The following GRM5 variants were observed in gnomAD, a reference collection of about 807,000 sequenced individuals.
The protein encoded by GRM5 is metabotropic glutamate receptor 5.
In GRM5, 19 loss-of-function variants were observed where a neutral mutation model predicts 83.1. The ratio of observed to expected loss-of-function variants is 0.23; its 90% CI spans 0.16 to 0.34. The LOEUF (loss-of-function observed/expected upper bound fraction) is 0.34, where lower values mean the gene tolerates loss of function less well. GRM5 is among the 10% of genes least tolerant of loss of function. The pLI is 1.00. For missense variants in GRM5, 1,160 were observed against 1,588.3 expected (o/e 0.73, Z 4.58); for synonymous variants, 675 against 633.6 (o/e 1.07, Z -0.98).
chr11:88,651,109 A>G (rs1939620143), intron 4 of GRM5, among the ~76,000 whole-genome samples: 1 of 152,014 alleles, frequency 6.6e-6, no homozygotes, highest in Non-Finnish European at 1.5e-5. Flanking sequence ...AGAGATAGAG[A>G]GCTACAGCAG....
intron 2 of GRM5, among the ~76,000 whole-genome samples, chr11:89,019,706 AAAC>A (rs1322941369): frequency 7.2e-5 from 11 of 152,068 alleles, no homozygotes; most frequent in East Asian, 3.9e-4. Context: ...AAACTCTGTC[AAAC>A]AACAACAACA....
At chr11:88,952,534 G>A (rs1488982240) in intron 2 of GRM5, among the ~76,000 whole-genome samples, 6 of 152,076 alleles carry the variant, frequency 3.9e-5, no homozygotes, top group Admixed American at 2.6e-4. Flanking sequence ...ACCCCAAAAC[G>A]TAAAGAAAAA....
chr11:89,002,813 TC>T (rs1159671425), intron 2 of GRM5, among the ~76,000 whole-genome samples: 2 of 151,860 alleles, frequency 1.3e-5, no homozygotes, highest in Admixed American at 6.6e-5. Context: ...TCAGAATGCT[TC>T]CCCCCCAGAG....
chr11:88,772,612 C>T (rs1371621427), intron 3 of GRM5, among the ~76,000 whole-genome samples: 1 of 151,970 alleles, frequency 6.6e-6, no homozygotes, highest in Non-Finnish European at 1.5e-5. Flanking sequence ...CCCCCATACC[C>T]CTACAGGCCT....
chr11:89,007,211 A>G (rs7120151), intron 2 of GRM5, among the ~76,000 whole-genome samples: 120,538 of 152,154 alleles, frequency 0.79, 48,564 homozygotes, highest in African/African-American at 0.95. Context: ...TTAGCACACA[A>G]CAAAGACAAA....
chr11:89,023,415 G>C (rs1941038727), intron 2 of GRM5, among the ~76,000 whole-genome samples: 1 of 151,996 alleles, frequency 6.6e-6, no homozygotes, highest in African/African-American at 2.4e-5. Flanking sequence ...AAAACTGCTG[G>C]GGTCCTTAGA....
intron 4 of GRM5, among the ~76,000 whole-genome samples, chr11:88,624,479 A>G (rs1938732801): frequency 6.6e-6 from 1 of 152,176 alleles, no homozygotes; most frequent in Admixed American, 6.5e-5. Context: ...AATGATAAAT[A>G]TGGGAGGAAG....
chr11:88,665,162 T>TACACAAACACACAC (rs1554990143), intron 3 of GRM5, among the ~76,000 whole-genome samples: 2 of 140,910 alleles, frequency 1.4e-5, no homozygotes, highest in Non-Finnish European at 3.1e-5. Flanking sequence ...TTAATTTATT[T>TACACAAACACACAC]ACACACACAC....
intron 2 of GRM5, among the ~76,000 whole-genome samples, chr11:89,010,320 TATAAACA>T (rs1285913219): frequency 6.6e-6 from 1 of 152,184 alleles, no homozygotes; most frequent in Non-Finnish European, 1.5e-5. Context: ...GACACTACCC[TATAAACA>T]TGGCCCACAG....
chr11:89,006,406 T>C (rs943639825), intron 2 of GRM5, among the ~76,000 whole-genome samples: 8 of 152,226 alleles, frequency 5.3e-5, no homozygotes, highest in Admixed American at 2.6e-4. Flanking sequence ...ACTCTAGTCA[T>C]TAACTCTAAC....
intron 2 of GRM5, among the ~76,000 whole-genome samples, chr11:88,957,403 T>C (rs1565309292): frequency 6.6e-6 from 1 of 152,204 alleles, no homozygotes; most frequent in Non-Finnish European, 1.5e-5. Flanking sequence ...AAATACACTT[T>C]AGAGTGCTGA....
intron 3 of GRM5, among the ~76,000 whole-genome samples, chr11:88,795,837 C>T (rs941226639): frequency 5.9e-5 from 9 of 152,070 alleles, no homozygotes; most frequent in Admixed American, 3.9e-4. Flanking sequence ...GAGAAAACAA[C>T]GAGTTTAATA....
At chr11:88,894,569 A>G (rs1945200839) in intron 2 of GRM5, among the ~76,000 whole-genome samples, 1 of 151,992 alleles carries the variant, frequency 6.6e-6, no homozygotes, top group African/African-American at 2.4e-5. Flanking sequence ...CCTCCCAGGC[A>G]CTAATCTTCA....
rs144647638 is a variant in GRM5 at position 88,706,567 on chromosome 11, G to T, written c.912-53164C>A. 1.7e-3 allele frequency among the ~76,000 whole-genome samples: 253 copies of T among 152,154 alleles called. 1 individual carries two copies. The highest frequency in any genetic ancestry group is 5.8e-3 in the African/African-American group (241 of 41,516). ...TTATCATCTAACCCAGGAAATTTTG[G>T]AAGGTGCTATTAATAATTTTCCTGT... On this transcript the variant is annotated intron_variant, in intron 3 of 9. Transcript: ENST00000305447.
chr11:88,985,275 ACT>A (rs1404831188), intron 2 of GRM5, among the ~76,000 whole-genome samples: 1 of 151,980 alleles, frequency 6.6e-6, no homozygotes, highest in Non-Finnish European at 1.5e-5. Context: ...TTTTCCCCAG[ACT>A]CTGGCAAATT....
intron 4 of GRM5, among the ~76,000 whole-genome samples, chr11:88,632,114 G>A (rs1938988113): frequency 6.6e-6 from 1 of 151,872 alleles, no homozygotes; most frequent in Non-Finnish European, 1.5e-5. Flanking sequence ...TCACCTCCAC[G>A]ACGTTCCTCC....
chr11:88,674,484 T>G (rs1247548020), intron 3 of GRM5, among the ~76,000 whole-genome samples: 1 of 151,976 alleles, frequency 6.6e-6, no homozygotes, highest in Non-Finnish European at 1.5e-5. Flanking sequence ...GACAGCTTGC[T>G]CCAGAGGAAC....
chr11:88,978,523 A>G (rs1185078649), intron 2 of GRM5, among the ~76,000 whole-genome samples: 1 of 142,614 alleles, frequency 7.0e-6, no homozygotes, highest in East Asian at 2.1e-4. Context: ...AAAACCTCAT[A>G]ATGTCTTAAG....
intron 5 of GRM5, among the ~76,000 whole-genome samples, chr11:88,603,465 C>T (rs1938056002): frequency 6.6e-6 from 1 of 152,090 alleles, no homozygotes; most frequent in African/African-American, 2.4e-5. Context: ...GGTCAGCCTG[C>T]CCTTAAAAGA....
Sources: gnomAD v4.1 joint callset for allele counts (sites outside exome capture counted in the v4.1 genomes callset) on GRCh38, gnomAD v4.1.1 for gene constraint, MANE v1.5 for transcripts, NCBI Gene and HGNC (gene_info 2026-07-23, HGNC 2026-07-21) for gene names.